Variants in RUNDC3B observed in about 807,000 individuals in gnomAD.
The protein encoded by RUNDC3B is RUN domain containing 3B, also known as RUN domain-containing protein 3B.
In RUNDC3B, 33 loss-of-function variants were observed where a neutral mutation model predicts 58.4. The observed-to-expected ratio is 0.56, with a 90% CI of 0.43 to 0.75. RUNDC3B has a LOEUF of 0.75. Among genes scored for constraint, RUNDC3B ranks in the 30% least tolerant of loss-of-function variants. The pLI, the probability that RUNDC3B is intolerant of heterozygous loss-of-function variation, is 0.00. For missense variants in RUNDC3B, 501 were observed against 535.7 expected, an observed-to-expected ratio of 0.94 and a Z score of 0.64; for synonymous variants, 193 against 195.2, an observed-to-expected ratio of 0.99 and a Z score of 0.10.
At chr7:87,787,915 G>C (rs1046687686) in intron 8 of RUNDC3B, among the ~76,000 whole-genome samples, 1 of 152,138 alleles carries the variant, frequency 6.6e-6, no homozygotes, top group African/African-American at 2.4e-5. Context: ...TTATCCCCAA[G>C]TTCCAAGAAA....
chr7:87,636,123 G>A (rs1199571194), intron 1 of RUNDC3B, among the ~76,000 whole-genome samples: 1 of 152,134 alleles, frequency 6.6e-6, no homozygotes, highest in Non-Finnish European at 1.5e-5. Flanking sequence ...TGAGTCATAT[G>A]GCATGCAGAT....
At position 87,739,661 on chromosome 7, in the gene RUNDC3B, G is replaced by GT. The variant is rs776457906; in HGVS notation, c.459-122dup. The GT allele has an allele frequency of 2.0e-4, 83 of 415,614 alleles. 1 individual carries two copies. The highest frequency in any genetic ancestry group is 9.0e-4 in the Admixed American group (22 of 24,410). The allele number at this position is 415,614 out of a possible 1,614,324, so 25.7% of individuals were successfully genotyped here. A position where few individuals can be genotyped will look rare whatever the true frequency, so the allele number is the denominator to read the frequency against. On this transcript the variant is annotated intron_variant, in intron 4 of 10. Coordinates refer to ENST00000394654, the MANE Select transcript of RUNDC3B (RefSeq NM_001134405.2). ...TTCAAAACTTCAGTGATGGAAATATGTTTTTTTTAAAAATACAAATTAAAT... is the reference window on the plus strand; with the variant it reads ...TTCAAAACTTCAGTGATGGAAATATGTTTTTTTTTAAAAATACAAATTAAAT...
intron 8 of RUNDC3B, among the ~76,000 whole-genome samples, chr7:87,779,758 A>C (rs1584188786): frequency 6.6e-6 from 1 of 152,020 alleles, no homozygotes; most frequent in Non-Finnish European, 1.5e-5. Flanking sequence ...CTCAATAGGT[A>C]GTTTTTCAGC....
intron 3 of RUNDC3B, among the ~76,000 whole-genome samples, chr7:87,708,284 C>T (rs150031556): frequency 3.0e-3 from 461 of 151,838 alleles, no homozygotes; most frequent in South Asian, 6.9e-3. Context: ...TATAAATTAC[C>T]GATATGAGGA....
intron 2 of RUNDC3B, among the ~76,000 whole-genome samples, chr7:87,674,203 C>T (rs956846564): frequency 1.3e-5 from 2 of 152,130 alleles, no homozygotes; most frequent in Admixed American, 6.5e-5. Context: ...CCAGCATCTG[C>T]AGAAGTATAG....
intron 4 of RUNDC3B, among the ~76,000 whole-genome samples, chr7:87,733,186 G>A (rs1831699620): frequency 1.3e-5 from 2 of 152,104 alleles, no homozygotes; most frequent in South Asian, 4.1e-4. Context: ...TCCATTCCTA[G>A]AGCTATGAAC....
At chr7:87,695,170 T>C (rs1170727601) in intron 2 of RUNDC3B, among the ~76,000 whole-genome samples, 1 of 152,160 alleles carries the variant, frequency 6.6e-6, no homozygotes, top group Non-Finnish European at 1.5e-5. Flanking sequence ...TAAGTGTTTA[T>C]ACTTGTTCTA....
At chr7:87,819,272 C>A (rs1837267462) in intron 10 of RUNDC3B, among the ~76,000 whole-genome samples, 1 of 152,056 alleles carries the variant, frequency 6.6e-6, no homozygotes, top group East Asian at 1.9e-4. Context: ...CCAGGGTACA[C>A]CAAAGGTTAG....
chr7:87,736,154 A>C (rs908940405), intron 4 of RUNDC3B, among the ~76,000 whole-genome samples: 1 of 152,164 alleles, frequency 6.6e-6, no homozygotes, highest in African/African-American at 2.4e-5. Context: ...AGTTTCTTAC[A>C]TTAAATTGGG....
chr7:87,664,326 G>T (rs923837586), intron 2 of RUNDC3B, among the ~76,000 whole-genome samples: 4 of 151,886 alleles, frequency 2.6e-5, no homozygotes, highest in African/African-American at 9.7e-5. Context: ...AACACAGCAA[G>T]ATACCATCTC....
At chr7:87,811,592 C>G (rs1218079451) in intron 9 of RUNDC3B, among the ~76,000 whole-genome samples, 3 of 152,188 alleles carry the variant, frequency 2.0e-5, no homozygotes, top group Non-Finnish European at 4.4e-5. Context: ...CAAAGTGGGT[C>G]TTTGGCCTCC....
At chr7:87,789,220 A>T (rs991599109) in intron 8 of RUNDC3B, among the ~76,000 whole-genome samples, 1 of 152,182 alleles carries the variant, frequency 6.6e-6, no homozygotes. Context: ...TTGTTTTCCT[A>T]GTTAGCTGAT....
At chr7:87,650,751 C>T in intron 1 of RUNDC3B, 71 bp from the exon 2 acceptor site, 2 of 861,882 alleles carry the variant, frequency 2.3e-6, no homozygotes, top group South Asian at 2.8e-5. Flanking sequence ...AAATTGCCTT[C>T]CTCCCATTTT....
chr7:87,697,635 G>T lies in RUNDC3B; in HGVS notation c.239-2786G>T, dbSNP rs1389970925. ...CAAGGAGAGCTTGGTCCCTGTAACTGCTTGTATGATTACAGTAATAACAGT... is the reference window on the plus strand; with the variant it reads ...CAAGGAGAGCTTGGTCCCTGTAACTTCTTGTATGATTACAGTAATAACAGT... On this transcript the variant is annotated intron_variant, in intron 2 of 10. Transcript: ENST00000394654. 2.0e-5 allele frequency among the ~76,000 whole-genome samples: 3 copies of T among 152,154 alleles called. No individual in the cohort carries two copies. The East Asian group carries it at 5.8e-4, about 29-fold the overall frequency.
chr7:87,660,737 C>A (rs1824617586), intron 2 of RUNDC3B, among the ~76,000 whole-genome samples: 1 of 151,762 alleles, frequency 6.6e-6, no homozygotes, highest in Admixed American at 6.6e-5. Context: ...ACTGCTTTGG[C>A]TAAATTTATG....
intron 2 of RUNDC3B, among the ~76,000 whole-genome samples, chr7:87,656,150 G>A (rs994753424): frequency 6.6e-6 from 1 of 151,818 alleles, no homozygotes; most frequent in African/African-American, 2.4e-5. Context: ...AGAAAGTGAG[G>A]TAATATGTAT....
chr7:87,665,587 A>G (rs1825143255), intron 2 of RUNDC3B, among the ~76,000 whole-genome samples: 1 of 152,058 alleles, frequency 6.6e-6, no homozygotes, highest in African/African-American at 2.4e-5. Context: ...CAGGTTTGTC[A>G]TCTAGGTAAA....
intron 1 of RUNDC3B, among the ~76,000 whole-genome samples, chr7:87,641,468 T>A (rs1249583790): frequency 6.6e-6 from 1 of 152,212 alleles, no homozygotes; most frequent in Non-Finnish European, 1.5e-5. Flanking sequence ...TCCTGGCCTT[T>A]CAGGGTTTTC....
intron 8 of RUNDC3B, among the ~76,000 whole-genome samples, chr7:87,796,869 A>C (rs1835849320): frequency 6.6e-6 from 1 of 152,232 alleles, no homozygotes; most frequent in African/African-American, 2.4e-5. Context: ...TGTATCAGTA[A>C]GGATATACCA....
Sources: allele counts gnomAD v4.1 joint callset (sites outside exome capture counted in the v4.1 genomes callset), GRCh38; gene constraint gnomAD v4.1.1; transcripts MANE v1.5; gene names NCBI Gene and HGNC (gene_info 2026-07-23, HGNC 2026-07-21).